The following TTC31 variants were observed in gnomAD, a reference collection of about 807,000 sequenced individuals.
The protein encoded by TTC31 is tetratricopeptide repeat domain 31.
In TTC31, 59 loss-of-function variants were observed where a neutral mutation model predicts 60.4. The ratio of observed to expected loss-of-function variants is 0.98; its 90% CI spans 0.79 to 1.21. TTC31 has a LOEUF of 1.21. TTC31 is among the 50% of genes most tolerant of loss of function. The pLI, the probability that TTC31 is intolerant of heterozygous loss-of-function variation, is 0.00. For missense variants in TTC31, 672 were observed against 646.9 expected (o/e 1.04, Z -0.42); for synonymous variants, 225 against 249.6 (o/e 0.90, Z 0.93).
intron 2 of TTC31, among the ~76,000 whole-genome samples, chr2:74,485,061 C>G (rs1403876946): frequency 1.4e-5 from 2 of 144,560 alleles, no homozygotes; most frequent in Non-Finnish European, 3.0e-5. Context: ...GAGTCTCACA[C>G]TGTCGCCCAG....
intron 2 of TTC31, chr2:74,483,613 T>C: frequency 2.1e-6 from 3 of 1,435,454 alleles, no homozygotes; most frequent in Non-Finnish European, 2.7e-6. Context: ...TAACAGATGC[T>C]CGAAGTGGGT....
In TTC31 at chr2:74,490,146, G is replaced by A. The variant is rs748838989; in HGVS notation, c.232+19G>A. 15 of 1,606,684 alleles carry A rather than the reference G, an allele frequency of 9.3e-6. No homozygotes were observed. Among genetic ancestry groups the A allele is most frequent in the South Asian group, 5.5e-5 (5 of 90,290 alleles). On this transcript the variant is annotated intron_variant, in intron 3 of 12. Transcript: ENST00000233623. Reference sequence around the variant, plus strand: ...CACCATGGTGGGGAGTGCAGGGACCGGGCCCAGGGATCGAGGCTGGTACCC... The same window carrying A: ...CACCATGGTGGGGAGTGCAGGGACCAGGCCCAGGGATCGAGGCTGGTACCC...
In TTC31 at chr2:74,493,151, C is replaced by A. The variant is rs561544361; in HGVS notation, c.1493C>A (p.Pro498His). ...TQSRRPHPLKPQDPSKGWDIL... is the reference protein window; with the variant it reads ...TQSRRPHPLKHQDPSKGWDIL... ...AGTAGAAGGCCCCATCCTCTCAAGC[C>A]CCAGGACCCTTCAAAGGGCTGGGAC... Residue 498 changes from proline (P) to histidine (H), a missense_variant, in exon 13 of 13, where the codon CCC becomes CAC. Physicochemically the swap from Pro to His is moderately conservative, Grantham distance 77 (BLOSUM62 -2). Coordinates refer to ENST00000233623, the MANE Select transcript of TTC31 (RefSeq NM_022492.6). The A allele has an allele frequency of 5.0e-6, 8 of 1,614,190 alleles. No homozygotes were observed. The South Asian group carries it at 7.7e-5, about 16-fold the overall frequency.
In TTC31 at chr2:74,492,900, GCCCTTCTCTCT is replaced by G. The variant is rs1674099442; in HGVS notation, c.1264-13_1264-3del. ...CTCCTGCTTAAAAGAAGGATCTGGT[GCCCTTCTCTCT>G]CCCTTCTCAGCAGGGTCAGCGAGGA... On this transcript the variant is annotated splice_polypyrimidine_tract_variant and intron_variant, in intron 12 of 12. Transcript: ENST00000233623. 6.3e-7 allele frequency: 1 copy of G among 1,588,776 alleles called. No individual in the cohort carries two copies.
intron 2 of TTC31, among the ~76,000 whole-genome samples, chr2:74,487,529 T>A (rs1412608270): frequency 1.3e-5 from 2 of 152,008 alleles, no homozygotes; most frequent in African/African-American, 4.8e-5. Flanking sequence ...TTTATTTTTT[T>A]AAATTTATTT....
At chr2:74,486,899 A>T (rs1264493561) in intron 2 of TTC31, among the ~76,000 whole-genome samples, 1 of 152,148 alleles carries the variant, frequency 6.6e-6, no homozygotes, top group Non-Finnish European at 1.5e-5. Context: ...ACCTCAAAAA[A>T]AAAAAAAAAG....
At position 74,490,147 on chromosome 2, in the gene TTC31, G is replaced by A. The variant is rs768193136; in HGVS notation, c.232+20G>A. On this transcript the variant is annotated intron_variant, in intron 3 of 12. Coordinates refer to ENST00000233623, the MANE Select transcript of TTC31 (RefSeq NM_022492.6). ...ACCATGGTGGGGAGTGCAGGGACCG[G>A]GCCCAGGGATCGAGGCTGGTACCCT... 2.5e-6 allele frequency: 4 copies of A among 1,607,270 alleles called. No homozygotes were observed. In the African/African-American group the frequency reaches 4.0e-5, roughly 16 times the overall value.
chr2:74,486,526 A>G (rs1461739562), intron 2 of TTC31, among the ~76,000 whole-genome samples: 1 of 152,228 alleles, frequency 6.6e-6, no homozygotes, highest in Non-Finnish European at 1.5e-5. Flanking sequence ...TATGTCAAAC[A>G]TGAGAAGTAC....
intron 2 of TTC31, among the ~76,000 whole-genome samples, chr2:74,486,824 C>T (rs1572949328): frequency 6.6e-6 from 1 of 150,496 alleles, no homozygotes; most frequent in Non-Finnish European, 1.5e-5. Flanking sequence ...ACCCTGGAGG[C>T]GGAGGTTGCG....
intron 2 of TTC31, among the ~76,000 whole-genome samples, chr2:74,488,695 A>G (rs1673449180): frequency 6.6e-6 from 1 of 152,222 alleles, no homozygotes; most frequent in African/African-American, 2.4e-5. Flanking sequence ...CAGGAGGCTC[A>G]GGCAGGAGGA....
Position 74,493,216 on chromosome 2 carries a change from TG to T in TTC31, c.1559del (p.Ter520=). ...LGLQHLSQAR* is the reference protein window; with the variant it reads ...LGLQHLSQARX ...GCTCCAGCATCTGTCTCAGGCCAGA[TG>T]AGGGGGCACCGGTCCCTCATAGGGC... On this transcript the variant is annotated frameshift_variant and stop_lost, in exon 13 of 13. Transcript: ENST00000233623. LOFTEE classifies it high-confidence loss of function. The T allele has an allele frequency of 6.2e-7, 1 of 1,613,946 alleles. No homozygotes were observed. Among genetic ancestry groups the T allele is most frequent in the South Asian group, 1.1e-5 (1 of 91,080 alleles).
intron 2 of TTC31, among the ~76,000 whole-genome samples, 186 bp from the exon 3 acceptor site, chr2:74,489,839 A>G (rs1475659120): frequency 6.6e-6 from 1 of 152,152 alleles, no homozygotes; most frequent in Non-Finnish European, 1.5e-5. Flanking sequence ...GAGGTGATTC[A>G]CTACAATAGC....
rs551158391 is a variant in TTC31, at chr2:74,494,077, G to A, written c.*859G>A. On this transcript the variant is annotated 3_prime_UTR_variant, in exon 13 of 13. Coordinates refer to ENST00000233623, the MANE Select transcript of TTC31 (RefSeq NM_022492.6). ...AAGCATGATCTCCTTTTAATTTCAC[G>A]TCTAAGATCCTGGCAGCTTCCCCTA... 6 of 152,258 alleles carry A rather than the reference G, an allele frequency of 3.9e-5. No homozygotes were observed. The highest frequency in any genetic ancestry group is 5.9e-5 in the Non-Finnish European group (4 of 68,022). The allele number at this position is 152,258 out of a possible 1,614,324, so 9.4% of individuals were successfully genotyped here.
intron 5 of TTC31, 108 bp downstream of exon 5, chr2:74,490,847 T>C: frequency 8.3e-7 from 1 of 1,197,696 alleles, no homozygotes; most frequent in Non-Finnish European, 1.2e-6. Context: ...TGCAGTGGAC[T>C]CTCTTGCCAG....
Position 74,483,103 on chromosome 2 carries a change from C to T in TTC31, c.8C>T (p.Pro3Leu), listed in dbSNP as rs756793888. The change falls in exon 1 of 13, where the codon CCG (proline) becomes CTG (leucine). Residue 3 changes from proline (P) to leucine (L), a missense_variant. Physicochemically the swap from Pro to Leu is moderately conservative, Grantham distance 98. Transcript: ENST00000233623. MA[P>L]IPKTVGRIKL... ...CGGGTCACTGTAGATGCGATGGCGC[C>T]GATTCCAAAGACTGTGGGGCGGATC... 2 of 1,614,200 alleles carry T rather than the reference C, an allele frequency of 1.2e-6. No individual in the cohort carries two copies. The highest frequency in any genetic ancestry group is 1.7e-6 in the Non-Finnish European group (2 of 1,180,046).
Position 74,491,472 on chromosome 2 carries a change from T to C in TTC31, c.685-9T>C, listed in dbSNP as rs748285194. 6.8e-6 allele frequency: 11 copies of C among 1,612,264 alleles called. No individual in the cohort carries two copies. Among genetic ancestry groups the C allele is most frequent in the Non-Finnish European group, 8.5e-6 (10 of 1,178,908 alleles). On this transcript the variant is annotated splice_polypyrimidine_tract_variant and intron_variant, in intron 7 of 12. Transcript: ENST00000233623. ...CCACCCCCTCCCTAACTTTCCATTT[T>C]GTTCACAGGACTCACTGGATCTATC...
chr2:74,491,856 A>G (rs905723171), intron 8 of TTC31, 148 bp from the exon 9 acceptor site: 1 of 1,456,216 alleles, frequency 6.9e-7, no homozygotes, highest in Non-Finnish European at 9.4e-7. Context: ...CTGTCTAGGA[A>G]GATAGGGCTG....
chr2:74,485,066 G>A (rs574980306), intron 2 of TTC31, among the ~76,000 whole-genome samples: 32 of 133,734 alleles, frequency 2.4e-4, no homozygotes, highest in African/African-American at 8.4e-4. Flanking sequence ...TCACACTGTC[G>A]CCCAGGCTGG....
intron 2 of TTC31, among the ~76,000 whole-genome samples, chr2:74,487,980 A>G (rs892799124): frequency 9.2e-5 from 14 of 151,846 alleles, no homozygotes; most frequent in Non-Finnish European, 1.6e-4. Flanking sequence ...ATGCCCAGCC[A>G]TATTTATTTA....
Sources: allele counts gnomAD v4.1 joint callset (sites outside exome capture counted in the v4.1 genomes callset), GRCh38; gene constraint gnomAD v4.1.1; transcripts MANE v1.5; gene names NCBI Gene and HGNC (gene_info 2026-07-23, HGNC 2026-07-21).